The following METTL21C variants were observed in gnomAD, a reference collection of about 807,000 sequenced individuals.
METTL21C encodes protein-lysine methyltransferase METTL21C.
A neutral mutation model predicts 25.9 loss-of-function variants in METTL21C; 21 were observed. That is an observed-to-expected ratio of 0.81 (90% confidence interval 0.58 to 1.17). The LOEUF is 1.17. METTL21C is among the 50% of genes most tolerant of loss of function. The probability of loss-of-function intolerance (pLI) is 0.00; values close to 1 mark genes in which losing one functional copy is unlikely to be tolerated. For missense variants in METTL21C, 312 were observed against 315.1 expected (o/e 0.99, Z 0.07); for synonymous variants, 125 against 124.7 (o/e 1.00, Z -0.01).
At chr13:102,699,140 G>C (rs1261033668), upstream of METTL21C, among the ~76,000 whole-genome samples, 1 of 152,142 alleles carries the variant, frequency 6.6e-6, no homozygotes, top group Non-Finnish European at 1.5e-5. Flanking sequence ...CCCATAAAAA[G>C]CAAGGGTTAT....
upstream of METTL21C, among the ~76,000 whole-genome samples, chr13:102,697,918 A>G (rs1595248553): frequency 6.6e-6 from 1 of 152,250 alleles, no homozygotes; most frequent in East Asian, 1.9e-4. Context: ...CTTCAGAATT[A>G]TTCCACTCCA....
At chr13:102,689,806 A>G (rs1885780118) in intron 2 of METTL21C, among the ~76,000 whole-genome samples, 1 of 152,236 alleles carries the variant, frequency 6.6e-6, no homozygotes, top group South Asian at 2.1e-4. Context: ...TATTACATTA[A>G]TGAGGACAGT....
At chr13:102,702,675 C>T in the METTL21C span, among the ~76,000 whole-genome samples, 1 of 152,064 alleles carries the variant, frequency 6.6e-6, no homozygotes, top group African/African-American at 2.4e-5. Flanking sequence ...GCAGCAACCT[C>T]CGCTTCCTGG....
intron 1 of METTL21C, among the ~76,000 whole-genome samples, chr13:102,691,377 T>C (rs1885828512): frequency 6.7e-6 from 1 of 150,014 alleles, no homozygotes; most frequent in Non-Finnish European, 1.5e-5. Flanking sequence ...TGAGACAGAG[T>C]CTCACTCTGT....
the METTL21C span, among the ~76,000 whole-genome samples, chr13:102,703,413 C>T: frequency 6.6e-6 from 1 of 152,210 alleles, no homozygotes; most frequent in Non-Finnish European, 1.5e-5. Context: ...TCTCTGTCTC[C>T]AGCTCTGTTT....
chr13:102,692,925 C>T (rs1885867441), intron 1 of METTL21C, among the ~76,000 whole-genome samples: 1 of 152,144 alleles, frequency 6.6e-6, no homozygotes, highest in Non-Finnish European at 1.5e-5. Flanking sequence ...CAACACAGGG[C>T]TGAGAGGCTG....
At chr13:102,694,218 C>T in intron 1 of METTL21C, 151 bp downstream of exon 1, 1 of 776,302 alleles carries the variant, frequency 1.3e-6, no homozygotes, top group Non-Finnish European at 2.0e-6. Context: ...TATGTTTATA[C>T]TTGCAAAACA....
chr13:102,691,074 G>A (rs191426568), intron 1 of METTL21C, 110 bp from the exon 2 acceptor site: 2 of 1,215,622 alleles, frequency 1.6e-6, no homozygotes, highest in African/African-American at 1.5e-5. Flanking sequence ...TTTACATAAA[G>A]AGAAGGGATG....
intron 1 of METTL21C, among the ~76,000 whole-genome samples, chr13:102,691,494 C>T (rs112496292): frequency 0.052 from 7,880 of 152,198 alleles, 290 homozygotes; most frequent in Non-Finnish European, 0.079. Context: ...GGATTACAGG[C>T]GTGCGCCACC....
At chr13:102,700,849 C>CT in the METTL21C span, among the ~76,000 whole-genome samples, 1 of 152,026 alleles carries the variant, frequency 6.6e-6, no homozygotes, top group Admixed American at 6.6e-5. Context: ...CCCCATGACT[C>CT]TGACACCCTA....
At chr13:102,691,157 G>A (rs1360521713) in intron 1 of METTL21C, among the ~76,000 whole-genome samples, 193 bp from the exon 2 acceptor site, 1 of 152,134 alleles carries the variant, frequency 6.6e-6, no homozygotes, top group Admixed American at 6.5e-5. Flanking sequence ...ATGAAATTTG[G>A]ATGTGACAGT....
chr13:102,689,009 C>T (rs1394899451), intron 2 of METTL21C, among the ~76,000 whole-genome samples: 1 of 152,152 alleles, frequency 6.6e-6, no homozygotes, highest in Non-Finnish European at 1.5e-5. Flanking sequence ...TCATGAGAGG[C>T]TAGTGTTTGG....
intron 1 of METTL21C, 54 bp downstream of exon 1, chr13:102,694,315 A>T: frequency 5.7e-6 from 9 of 1,567,306 alleles, no homozygotes; most frequent in Non-Finnish European, 6.9e-6. Flanking sequence ...TGAAGATGTC[A>T]TCGCCAGGAA....
the METTL21C span, among the ~76,000 whole-genome samples, chr13:102,701,992 C>T: frequency 2.6e-5 from 4 of 152,020 alleles, no homozygotes; most frequent in East Asian, 1.9e-4. Flanking sequence ...TGGTGAAACT[C>T]GTCTCTACTA....
At chr13:102,687,087 GCATTGGAA>G in intron 2 of METTL21C, 30 bp from the exon 3 acceptor site, 1 of 1,555,752 alleles carries the variant, frequency 6.4e-7, no homozygotes, top group Non-Finnish European at 8.9e-7. Flanking sequence ...TTTCATGTGG[GCATTGGAA>G]CATTGGAAAC....
chr13:102,691,098 G>C (rs112782639), intron 1 of METTL21C, 134 bp from the exon 2 acceptor site: 5 of 998,828 alleles, frequency 5.0e-6, no homozygotes, highest in African/African-American at 3.3e-5. Flanking sequence ...CTATCAAGGA[G>C]AACGGCTGCA....
chr13:102,693,335 C>CA (rs1479415166), intron 1 of METTL21C, among the ~76,000 whole-genome samples: 2 of 152,224 alleles, frequency 1.3e-5, no homozygotes, highest in South Asian at 2.1e-4. Context: ...CAATCAGCTA[C>CA]AAAAAATGCT....
rs772978574 is a variant in METTL21C at position 102,694,490 on chromosome 13, C to G, written c.9G>C (p.Val3=). 1 of 1,433,806 alleles carries G rather than the reference C, an allele frequency of 7.0e-7. No homozygotes were observed. Among genetic ancestry groups the G allele is most frequent in the South Asian group, 1.2e-5 (1 of 84,354 alleles). The allele number at this position is 1,433,806 out of a possible 1,614,324, so 88.8% of individuals were successfully genotyped here. Residue 3 remains valine, a synonymous_variant, in exon 1 of 4, where the codon GTG becomes GTC. Transcript: ENST00000267273. The part of the protein sequence containing the change: MD[V]CLSSAQQPGR... ...CAGGCTGCTGCGCGGAGCTCAGACA[C>G]ACGTCCATAGCCGGCTGTCCCAAAG... is the stretch of plus-strand genomic sequence containing the variant.
chr13:102,702,274 T>C, the METTL21C span, among the ~76,000 whole-genome samples: 17,082 of 151,344 alleles, frequency 0.11, 2,907 homozygotes, highest in African/African-American at 0.37. Flanking sequence ...ATGTGTCCAC[T>C]GAAAGCCCAC....
Sources: gnomAD v4.1 joint callset for allele counts (sites outside exome capture counted in the v4.1 genomes callset) on GRCh38, gnomAD v4.1.1 for gene constraint, MANE v1.5 for transcripts, NCBI Gene and HGNC (gene_info 2026-07-23, HGNC 2026-07-21) for gene names.